TOM1: variants seen among roughly 807,000 people sequenced by gnomAD.
TOM1 encodes the protein target of Myb protein 1.
Under a neutral mutation model 61.3 loss-of-function variants are expected in TOM1, and 38 were observed. That is an observed-to-expected ratio of 0.62 (90% CI 0.48 to 0.81). TOM1 has a LOEUF of 0.81. TOM1 is among the 40% of genes least tolerant of loss of function. The pLI is 0.00. For synonymous variants in TOM1, 270 were observed against 268.8 expected (o/e 1.00, Z -0.04); for missense variants, 591 against 659.6 (o/e 0.90, Z 1.14).
intron 12 of TOM1, among the ~76,000 whole-genome samples, chr22:35,339,748 C>G (rs540716687): frequency 1.6e-4 from 24 of 150,968 alleles, no homozygotes; most frequent in African/African-American, 5.8e-4. Flanking sequence ...ACTAAAAATA[C>G]AAAAAATTAG....
intron 6 of TOM1, among the ~76,000 whole-genome samples, chr22:35,326,457 A>C: frequency 6.6e-6 from 1 of 152,246 alleles, no homozygotes; most frequent in Admixed American, 6.5e-5. Context: ...AACTCCTTGG[A>C]ACCCTTTGAC....
intron 13 of TOM1, 84 bp from the exon 14 acceptor site, chr22:35,346,846 G>T (rs1364386208): frequency 3.0e-6 from 4 of 1,326,930 alleles, no homozygotes; most frequent in East Asian, 2.3e-5. Context: ...GGTTCAGCGG[G>T]GCCCGAGCTG....
chr22:35,299,785 G>A, upstream of TOM1: 1 of 910,104 alleles, frequency 1.1e-6, no homozygotes, highest in Admixed American at 2.4e-5. Flanking sequence ...GCGTCTCAGG[G>A]CGGGGCTTGT....
chr22:35,347,186 G>A lies in TOM1; in HGVS notation c.1456G>A (p.Asp486Asn). The change falls in exon 15 of 15, where the codon GAT becomes AAT. Residue 486 changes from aspartate (D) to asparagine (N), a missense_variant. Coordinates refer to ENST00000449058, the MANE Select transcript of TOM1 (RefSeq NM_005488.3). ...CCGGAAGAAGACCCAGGAGAAAGAT[G>A]ATGACATGCTGTTTGCCTTATGAGT... is the stretch of plus-strand genomic sequence containing the variant. ...APRKKTQEKD[D>N]DMLFAL 6.2e-7 allele frequency: 1 copy of A among 1,611,924 alleles called. No individual in the cohort carries two copies. The highest frequency in any genetic ancestry group is 8.5e-7 in the Non-Finnish European group (1 of 1,179,006).
In TOM1 at chr22:35,315,013, G is replaced by C. The variant is rs1927162889; in HGVS notation, c.53-2864G>C. On this transcript the variant is annotated intron_variant, in intron 1 of 14. Transcript: ENST00000449058. ...AGTTAAAATATTATTATTGTGGAAGGGCATGCAGGCCAGGTCGAAGACTAG... is the reference window on the plus strand; with the variant it reads ...AGTTAAAATATTATTATTGTGGAAGCGCATGCAGGCCAGGTCGAAGACTAG... Among the ~76,000 whole-genome samples, 3 of 152,300 alleles carry C rather than the reference G, an allele frequency of 2.0e-5. No homozygotes were observed. The South Asian group carries it at 6.2e-4, about 32-fold the overall frequency.
chr22:35,322,857 C>T lies in TOM1; in HGVS notation c.217-171C>T, dbSNP rs551908919. 1.1e-5 allele frequency: 9 copies of T among 803,090 alleles called. No individual in the cohort carries two copies. The African/African-American group carries it at 1.2e-4, about 11-fold the overall frequency. The allele number at this position is 803,090 out of a possible 1,614,324, so 49.7% of individuals were successfully genotyped here. On this transcript the variant is annotated intron_variant, in intron 3 of 14. Coordinates refer to ENST00000449058, the MANE Select transcript of TOM1 (RefSeq NM_005488.3). ...GCCGTGCCCTCCAGTAAACAAGTCC[C>T]CCAGTCCTGGCATTGTCCCAGTCCT...
intron 9 of TOM1, 51 bp downstream of exon 9, chr22:35,333,065 G>A: frequency 1.3e-6 from 2 of 1,592,246 alleles, no homozygotes; most frequent in Non-Finnish European, 1.7e-6. Flanking sequence ...ATGGGAAGAA[G>A]GAGTGCCATT....
At chr22:35,345,809 C>G (rs758603572) in intron 13 of TOM1, 25 bp downstream of exon 13, 13 of 1,612,324 alleles carry the variant, frequency 8.1e-6, no homozygotes, top group Non-Finnish European at 1.1e-5. Context: ...ACTCCTCACC[C>G]ACACAGCAGG....
At chr22:35,312,501 A>T (rs968987021) in intron 1 of TOM1, among the ~76,000 whole-genome samples, 3 of 152,220 alleles carry the variant, frequency 2.0e-5, no homozygotes, top group African/African-American at 7.2e-5. Context: ...CGTGGTTATG[A>T]ATATGGACTT....
chr22:35,345,557 C>G, intron 12 of TOM1, 168 bp from the exon 13 acceptor site: 1 of 664,454 alleles, frequency 1.5e-6, no homozygotes, highest in South Asian at 1.7e-5. Context: ...CTCTGCACCT[C>G]CATCACCCAC....
chr22:35,321,265 A>C (rs1190278504), intron 2 of TOM1, among the ~76,000 whole-genome samples: 8 of 152,024 alleles, frequency 5.3e-5, no homozygotes, highest in Admixed American at 5.2e-4. Flanking sequence ...GGGGAGCATG[A>C]GAAGCATTCA....
rs1458003441 is a variant in TOM1 at position 35,323,104 on chromosome 22, T to C, written c.293T>C (p.Val98Ala). 6.2e-7 allele frequency: 1 copy of C among 1,614,186 alleles called. No homozygotes were observed. Among genetic ancestry groups the C allele is most frequent in the East Asian group, 2.2e-5 (1 of 44,882 alleles). The change falls in exon 4 of 15, where the codon GTG becomes GCG. Residue 98 changes from valine to alanine, a missense_variant. Transcript: ENST00000449058. The surrounding 1 kb of genome is among the most constrained non-coding windows in gnomAD (Gnocchi z 4.2). ...GCCAGCCAGGACTTCGTGGAGAGTG[T>C]GCTGGTGAGGACCATCCTGCCCAAG... Reference protein sequence around the residue: ...LVASQDFVESVLVRTILPKNN... With the variant: ...LVASQDFVESALVRTILPKNN...
At chr22:35,308,812 T>C (rs1926570025) in intron 1 of TOM1, among the ~76,000 whole-genome samples, 1 of 152,222 alleles carries the variant, frequency 6.6e-6, no homozygotes, top group Non-Finnish European at 1.5e-5. Flanking sequence ...GGTACTATAG[T>C]TAGTTACATC....
chr22:35,342,048 G>A (rs1929919088), intron 12 of TOM1, among the ~76,000 whole-genome samples: 1 of 152,032 alleles, frequency 6.6e-6, no homozygotes, highest in African/African-American at 2.4e-5. Flanking sequence ...GGCTGAAGCG[G>A]GAGGATCACT....
At chr22:35,301,215 A>AGAGCAGGGAGGCAGG (rs957505428) in intron 1 of TOM1, among the ~76,000 whole-genome samples, 1 of 152,126 alleles carries the variant, frequency 6.6e-6, no homozygotes, top group African/African-American at 2.4e-5. Flanking sequence ...CGACGCAGGG[A>AGAGCAGGGAGGCAGG]GAGCCCATCT....
intron 1 of TOM1, 117 bp downstream of exon 1, chr22:35,300,097 T>C (rs1925594228): frequency 8.6e-7 from 1 of 1,161,034 alleles, no homozygotes; most frequent in Non-Finnish European, 1.2e-6. Flanking sequence ...GGCTGGCGTG[T>C]AGCTCTCCGA....
rs930524089 is a variant in TOM1 at position 35,347,838 on chromosome 22, C to G, written c.*629C>G. On this transcript the variant is annotated 3_prime_UTR_variant, in exon 15 of 15. Transcript: ENST00000449058. ...TTCAGGGGATGCTGGGGCCCCACTG[C>G]CCCTCCGCTGCCTTGCCCTCCATCC... 1 of 153,162 alleles carries G rather than the reference C, an allele frequency of 6.5e-6. No individual in the cohort carries two copies. Among genetic ancestry groups the G allele is most frequent in the Admixed American group, 6.5e-5 (1 of 15,302 alleles). The allele number at this position is 153,162 out of a possible 1,614,324, so 9.5% of individuals were successfully genotyped here.
At chr22:35,340,363 G>A (rs1929774738) in intron 12 of TOM1, among the ~76,000 whole-genome samples, 1 of 152,194 alleles carries the variant, frequency 6.6e-6, no homozygotes, top group Admixed American at 6.5e-5. Flanking sequence ...GAGCGCTGCA[G>A]ATTGCATCCT....
chr22:35,343,728 A>C (rs981252109), intron 12 of TOM1, among the ~76,000 whole-genome samples: 12 of 88,890 alleles, frequency 1.3e-4, no homozygotes, highest in East Asian at 7.0e-4. Context: ...ACACACATCT[A>C]CACCCACCAC....
Sources: gnomAD v4.1 joint callset for allele counts (sites outside exome capture counted in the v4.1 genomes callset) on GRCh38, gnomAD v4.1.1 for gene constraint, Gnocchi (gnomAD v3.1) non-coding constraint, MANE v1.5 for transcripts, NCBI Gene and HGNC (gene_info 2026-07-23, HGNC 2026-07-21) for gene names.